The following TRIM45 variants were observed in gnomAD, a reference collection of about 807,000 sequenced individuals.
TRIM45 encodes tripartite motif containing 45, also known as E3 ubiquitin-protein ligase TRIM45.
TRIM45 carries 45 observed loss-of-function variants against 46.7 expected under a neutral mutation model. That is an observed-to-expected ratio of 0.96 (90% CI 0.76 to 1.24). TRIM45 has a LOEUF of 1.24. Ranked by LOEUF, TRIM45 falls within the 50% of genes most tolerant of loss-of-function variation. The probability of loss-of-function intolerance (pLI) is 0.00; values close to 1 mark genes in which losing one functional copy is unlikely to be tolerated. For synonymous variants in TRIM45, 259 were observed against 285.8 expected, an observed-to-expected ratio of 0.91 and a Z score of 0.94; for missense variants, 680 against 728.4, an observed-to-expected ratio of 0.93 and a Z score of 0.77.
upstream of TRIM45, among the ~76,000 whole-genome samples, chr1:117,123,897 C>G (rs1650759318): frequency 6.6e-6 from 1 of 152,188 alleles, no homozygotes; most frequent in South Asian, 2.1e-4. Context: ...TCCCAAAGCG[C>G]TGGGATTACA....
chr1:117,115,584 C>A lies in TRIM45; in HGVS notation c.1458G>T (p.Gln486His), dbSNP rs761555624. The A allele has an allele frequency of 1.2e-6, 2 of 1,613,638 alleles. No individual in the cohort carries two copies. The highest frequency in any genetic ancestry group is 1.7e-6 in the Non-Finnish European group (2 of 1,179,546). ...VYTVWVCIKE[Q>H]HVQGSPFTVM... ...CGTGCACCAGTCTTACCTGCACATG[C>A]TGTTCTTTGATGCAGACCCACACAG... Residue 486 changes from glutamine to histidine, a missense_variant, in exon 4 of 6, where the codon CAG becomes CAT. By Grantham distance (24) the Gln-to-His change is conservative (BLOSUM62 0). Transcript: ENST00000256649. The surrounding 1 kb of genome is among the most constrained non-coding windows in gnomAD (Gnocchi z 4.2).
At position 117,112,136 on chromosome 1, in the gene TRIM45, C is replaced by G. The variant is rs1650236595; in HGVS notation, c.*169G>C. The G allele has an allele frequency of 1.4e-6, 1 of 696,326 alleles. No individual in the cohort carries two copies. The highest frequency in any genetic ancestry group is 1.9e-5 in the African/African-American group (1 of 52,286). 43.1% of individuals were successfully genotyped at this position (696,326 alleles called of 1,614,324 possible). A position where few individuals can be genotyped will look rare whatever the true frequency, so the allele number is the denominator to read the frequency against. On this transcript the variant is annotated 3_prime_UTR_variant, in exon 6 of 6. Transcript: ENST00000256649. Reference sequence around the variant, plus strand: ...GAGGTGGTTTTTTGTGCTCAACCATCCACAAGTACAATCAGTGAATAACTA... The same window carrying G: ...GAGGTGGTTTTTTGTGCTCAACCATGCACAAGTACAATCAGTGAATAACTA...
Position 117,120,771 on chromosome 1 carries a change from T to C in TRIM45, c.431A>G (p.Glu144Gly). ...VCDLCNDREV[E>G]KRCQTCKANL... ...GGCTTTGCAGGTCTGACACCTCTTC[T>C]CTACTTCCCTGTCGTTGCACAGGTC... The change falls in exon 1 of 6, where the codon GAG (glutamate) becomes GGG (glycine). Residue 144 changes from glutamate to glycine, a missense_variant. This residue lies in a region of TRIM45 where 349 missense variants were observed against 343.6 expected (regional missense o/e 1.02). Transcript: ENST00000256649. 1 of 1,614,080 alleles carries C rather than the reference T, an allele frequency of 6.2e-7. No homozygotes were observed. The highest frequency in any genetic ancestry group is 8.5e-7 in the Non-Finnish European group (1 of 1,179,968).
At position 117,120,948 on chromosome 1, in the gene TRIM45, C is replaced by T. The variant is rs370346285; in HGVS notation, c.254G>A (p.Ser85Asn). The T allele has an allele frequency of 4.3e-6, 7 of 1,614,234 alleles. No individual in the cohort carries two copies. Among genetic ancestry groups the T allele is most frequent in the Non-Finnish European group, 5.9e-6 (7 of 1,180,048 alleles). Reference protein sequence around the residue: ...GSIFQELKPRSLQSQIGILCP... With the variant: ...GSIFQELKPRNLQSQIGILCP... ...AAGGATGCCGATCTGCGACTGCAGA[C>T]TTCGTGGCTTGAGTTCCTGGAATAT... Residue 85 changes from serine to asparagine, a missense_variant, in exon 1 of 6, where the codon AGT (serine) becomes AAT (asparagine). Coordinates refer to ENST00000256649, the MANE Select transcript of TRIM45 (RefSeq NM_025188.4).
In TRIM45 at chr1:117,115,462, A is replaced by C. The variant is rs146190221; in HGVS notation, c.1467+113T>G. On this transcript the variant is annotated intron_variant, in intron 4 of 5. Transcript: ENST00000256649. This position sits in a 1 kb window ranked among gnomAD's most constrained non-coding sequence, Gnocchi z 4.2. ...TGGGCTGTTTCTAAAGTGAAGAAGAAGACATGGGGATTCTATTCAATCTCT... is the reference window on the plus strand; with the variant it reads ...TGGGCTGTTTCTAAAGTGAAGAAGACGACATGGGGATTCTATTCAATCTCT... The C allele has an allele frequency of 1.4e-4, 106 of 752,184 alleles. 1 individual carries two copies. The highest frequency in any genetic ancestry group is 1.3e-3 in the African/African-American group (77 of 57,242). The allele number at this position is 752,184 out of a possible 1,614,324, so 46.6% of individuals were successfully genotyped here.
rs1557847957 is a variant in TRIM45 at position 117,118,617 on chromosome 1, A to AT, written c.638dup (p.Asp213GlufsTer13). 1 of 1,613,958 alleles carries AT rather than the reference A, an allele frequency of 6.2e-7. No homozygotes were observed. The highest frequency in any genetic ancestry group is 1.1e-5 in the South Asian group (1 of 91,072). ...GTTCCCGATGCTCCCCCACCACACA[A>AT]TCCTGGCACACGGGCCGGTCACAGA... On this transcript the variant is annotated frameshift_variant, in exon 2 of 6. Transcript: ENST00000256649. LOFTEE classifies it high-confidence loss of function. This position sits in a 1 kb window ranked among gnomAD's most constrained non-coding sequence, Gnocchi z 5.7.
upstream of TRIM45, chr1:117,121,996 C>T (rs1335378300): frequency 8.4e-6 from 5 of 593,334 alleles, no homozygotes; most frequent in African/African-American, 7.7e-5. The surrounding 1 kb of genome is among the most constrained non-coding windows in gnomAD (Gnocchi z 4.2). Context: ...TCGGAGCGAG[C>T]GGCATAGTGT....
chr1:117,112,425 G>GT lies in TRIM45; in HGVS notation c.1622dup (p.His541GlnfsTer17). 1 of 1,613,862 alleles carries GT rather than the reference G, an allele frequency of 6.2e-7. No homozygotes were observed. The highest frequency in any genetic ancestry group is 8.5e-7 in the Non-Finnish European group (1 of 1,179,882). On this transcript the variant is annotated frameshift_variant, in exon 6 of 6. Transcript: ENST00000256649. LOFTEE classifies it high-confidence loss of function. ...AGTGGGGATGACCTGGGTGGCCTTT[G>GT]TGTCCATGGCCACAGCCTAGGTACC...
rs1650378834 is a variant in TRIM45 at position 117,115,804 on chromosome 1, C to G, written c.1353-115G>C. 2 of 655,214 alleles carry G rather than the reference C, an allele frequency of 3.1e-6. No homozygotes were observed. Among genetic ancestry groups the G allele is most frequent in the Non-Finnish European group, 2.7e-6 (1 of 369,392 alleles). 40.6% of individuals were successfully genotyped at this position (655,214 alleles called of 1,614,324 possible). A position where few individuals can be genotyped will look rare whatever the true frequency, so the allele number is the denominator to read the frequency against. ...ATTCAGTATTAATGTTAAATATACC[C>G]AAACAGGATGCTTCTTCCATTTGCT... On this transcript the variant is annotated intron_variant, in intron 3 of 5. Transcript: ENST00000256649. The surrounding 1 kb of genome is among the most constrained non-coding windows in gnomAD (Gnocchi z 4.2).
Position 117,113,264 on chromosome 1 carries a change from A to G in TRIM45, c.1594+95T>C. 6.6e-7 allele frequency: 1 copy of G among 1,515,068 alleles called. No homozygotes were observed. Among genetic ancestry groups the G allele is most frequent in the South Asian group, 1.2e-5 (1 of 80,200 alleles). The allele number at this position is 1,515,068 out of a possible 1,614,324, so 93.9% of individuals were successfully genotyped here. A position where few individuals can be genotyped will look rare whatever the true frequency, so the allele number is the denominator to read the frequency against. On this transcript the variant is annotated intron_variant, in intron 5 of 5. Coordinates refer to ENST00000256649, the MANE Select transcript of TRIM45 (RefSeq NM_025188.4). This position sits in a 1 kb window ranked among gnomAD's most constrained non-coding sequence, Gnocchi z 4.0. ...CTGTGCTTCCTAGAAACAGAGCCTA[A>G]GTCCAAATGTCTAGTGGCTGTGTGG...
chr1:117,118,067 CCT>C lies in TRIM45; in HGVS notation c.1187_1188del (p.Glu396GlyfsTer2). On this transcript the variant is annotated frameshift_variant, in exon 2 of 6. Coordinates refer to ENST00000256649, the MANE Select transcript of TRIM45 (RefSeq NM_025188.4). LOFTEE classifies it high-confidence loss of function. The surrounding 1 kb of genome is among the most constrained non-coding windows in gnomAD (Gnocchi z 5.7). ...TGTAGGACACATTTGGCTGGATCAA[CCT>C]CTTTGGTATTAATCGTACCATAAAT... ...YEIYGTINTKEVDPAKCVLQG... is the reference protein window; with the variant it reads ...YEIYGTINTKXVDPAKCVLQG... The C allele has an allele frequency of 3.1e-6, 5 of 1,614,118 alleles. No individual in the cohort carries two copies. Among genetic ancestry groups the C allele is most frequent in the Non-Finnish European group, 4.2e-6 (5 of 1,179,986 alleles).
chr1:117,120,772 C>G lies in TRIM45; in HGVS notation c.430G>C (p.Glu144Gln). 2 of 1,614,082 alleles carry G rather than the reference C, an allele frequency of 1.2e-6. No individual in the cohort carries two copies. The highest frequency in any genetic ancestry group is 1.7e-6 in the Non-Finnish European group (2 of 1,179,972). The change falls in exon 1 of 6, where the codon GAG becomes CAG. Residue 144 changes from glutamate (E) to glutamine (Q), a missense_variant. By Grantham distance (29) the Glu-to-Gln change is conservative. Transcript: ENST00000256649. ...GCTTTGCAGGTCTGACACCTCTTCT[C>G]TACTTCCCTGTCGTTGCACAGGTCA... ...VCDLCNDREV[E>Q]KRCQTCKANL...
chr1:117,116,901 C>T lies in TRIM45; in HGVS notation c.1223-156G>A, dbSNP rs1650424356. Among the ~76,000 whole-genome samples, 1 of 152,154 alleles carries T rather than the reference C, an allele frequency of 6.6e-6. No homozygotes were observed. The highest frequency in any genetic ancestry group is 2.1e-4 in the South Asian group (1 of 4,816). On this transcript the variant is annotated intron_variant, in intron 2 of 5. Coordinates refer to ENST00000256649, the MANE Select transcript of TRIM45 (RefSeq NM_025188.4). The surrounding 1 kb of genome is among the most constrained non-coding windows in gnomAD (Gnocchi z 4.6). ...TCCCCTTCTGCCTCCCAGAGTACGC[C>T]TCTTGGGAGTCCTTCCTGGTTGGCC...
At chr1:117,112,714 G>A (rs899709196) in intron 5 of TRIM45, among the ~76,000 whole-genome samples, 9 of 152,068 alleles carry the variant, frequency 5.9e-5, no homozygotes, top group African/African-American at 1.2e-4. Context: ...TGAAGGAGGC[G>A]AACTAGTTTG....
chr1:117,112,529 T>C (rs1316415520), intron 5 of TRIM45, 76 bp from the exon 6 acceptor site: 2 of 1,377,836 alleles, frequency 1.5e-6, no homozygotes, highest in Non-Finnish European at 1.9e-6. Context: ...TCATGGAAAT[T>C]AGACCTCCTG....
At chr1:117,123,874 AC>A (rs1650758408), upstream of TRIM45, among the ~76,000 whole-genome samples, 1 of 151,672 alleles carries the variant, frequency 6.6e-6, no homozygotes, top group African/African-American at 2.4e-5. Context: ...CAGGTGATCC[AC>A]CCGCCTCGGC....
chr1:117,118,942 G>A lies in TRIM45; in HGVS notation c.489-175C>T, dbSNP rs905798599. On this transcript the variant is annotated intron_variant, in intron 1 of 5. Coordinates refer to ENST00000256649, the MANE Select transcript of TRIM45 (RefSeq NM_025188.4). The surrounding 1 kb of genome is among the most constrained non-coding windows in gnomAD (Gnocchi z 5.7). ...ATTCCAGTTTCTCATCTGTACAGTGGGGACAATACCTACCTGAAAGAGCTG... is the reference window on the plus strand; with the variant it reads ...ATTCCAGTTTCTCATCTGTACAGTGAGGACAATACCTACCTGAAAGAGCTG... Among the ~76,000 whole-genome samples, 10 of 152,194 alleles carry A rather than the reference G, an allele frequency of 6.6e-5. No homozygotes were observed. The highest frequency in any genetic ancestry group is 7.3e-5 in the Non-Finnish European group (5 of 68,036).
Position 117,121,749 on chromosome 1 carries a change from C to T in TRIM45, c.-548G>A, listed in dbSNP as rs1650647585. The T allele has an allele frequency of 4.5e-6, 3 of 667,830 alleles. No homozygotes were observed. Among genetic ancestry groups the T allele is most frequent in the South Asian group, 3.2e-5 (2 of 62,718 alleles). The allele number at this position is 667,830 out of a possible 1,614,324, so 41.4% of individuals were successfully genotyped here. ...GGCCCGGGACGCCCGCGGGCTCTGG[C>T]CCCTCCTCACACCAATCCCAGCCCG... On this transcript the variant is annotated 5_prime_UTR_variant, in exon 1 of 6. Coordinates refer to ENST00000256649, the MANE Select transcript of TRIM45 (RefSeq NM_025188.4). The surrounding 1 kb of genome is among the most constrained non-coding windows in gnomAD (Gnocchi z 4.2).
In TRIM45 at chr1:117,118,730, G is replaced by A. The variant is rs751812921; in HGVS notation, c.526C>T (p.Leu176=). 1 of 1,613,470 alleles carries A rather than the reference G, an allele frequency of 6.2e-7. No individual in the cohort carries two copies. The highest frequency in any genetic ancestry group is 8.5e-7 in the Non-Finnish European group (1 of 1,180,036). The change falls in exon 2 of 6, where the codon CTA becomes TTA. Residue 176 remains leucine, a synonymous_variant. Transcript: ENST00000256649. The surrounding 1 kb of genome is among the most constrained non-coding windows in gnomAD (Gnocchi z 5.7). ...CGGCTGTAGCCTTTCAAGTCTTTTA[G>A]GTCCACCATGGTGTGGTAAGTCGTT... ...KKTTYHTMVD[L]KDLKGYSRIG...
Sources: gnomAD v4.1 joint callset for allele counts (sites outside exome capture counted in the v4.1 genomes callset) on GRCh38, gnomAD v4.1.1 for gene constraint, gnomAD v4.1.1 regional missense constraint, Gnocchi (gnomAD v3.1) non-coding constraint, MANE v1.5 for transcripts, NCBI Gene and HGNC (gene_info 2026-07-23, HGNC 2026-07-21) for gene names.